The following IMMP2L variants were observed in gnomAD, a reference collection of about 807,000 sequenced individuals.
IMMP2L encodes the protein mitochondrial inner membrane protease subunit 2.
IMMP2L carries 18 observed loss-of-function variants against 19.3 expected under a neutral mutation model. That is an observed-to-expected ratio of 0.93 (90% CI 0.64 to 1.38). The LOEUF is 1.38. IMMP2L is among the 40% of genes most tolerant of loss of function. The pLI is 0.00. For missense variants in IMMP2L, 233 were observed against 218.2 expected (o/e 1.07, Z -0.43); for synonymous variants, 76 against 73.0 (o/e 1.04, Z -0.21).
chr7:110,827,569 A>C (rs1276895403), intron 5 of IMMP2L, among the ~76,000 whole-genome samples: 1 of 152,214 alleles, frequency 6.6e-6, no homozygotes, highest in Non-Finnish European at 1.5e-5. Flanking sequence ...AACAAGACCT[A>C]TAGCGTTGTG....
At chr7:111,505,410 G>C (rs1220811377) in intron 2 of IMMP2L, among the ~76,000 whole-genome samples, 4 of 151,976 alleles carry the variant, frequency 2.6e-5, no homozygotes, top group Non-Finnish European at 4.4e-5. Flanking sequence ...GTGGAAGTCA[G>C]TGTGGTGATT....
At chr7:111,541,925 C>CA (rs978692830) in intron 1 of IMMP2L, among the ~76,000 whole-genome samples, 30 of 152,064 alleles carry the variant, frequency 2.0e-4, no homozygotes, top group Admixed American at 1.8e-3. Context: ...ACATGTTAAG[C>CA]AAAACCAGCC....
intron 3 of IMMP2L, among the ~76,000 whole-genome samples, chr7:110,970,232 C>G (rs1387318347): frequency 6.6e-6 from 1 of 152,042 alleles, no homozygotes; most frequent in Non-Finnish European, 1.5e-5. Flanking sequence ...CTATGAAAAA[C>G]TTAAGGAATT....
chr7:111,024,057 G>A (rs546835476), intron 3 of IMMP2L, among the ~76,000 whole-genome samples: 16 of 152,250 alleles, frequency 1.1e-4, no homozygotes, highest in East Asian at 3.9e-4. Flanking sequence ...AATATTGGCC[G>A]TGTGAATTCT....
chr7:110,663,865 G>T (rs1292326213), intron 5 of IMMP2L, 144 bp from the exon 6 acceptor site: 5 of 536,414 alleles, frequency 9.3e-6, no homozygotes, highest in Non-Finnish European at 3.2e-6. Context: ...AACACCTTTT[G>T]TAGCCATTGA....
intron 3 of IMMP2L, among the ~76,000 whole-genome samples, chr7:111,235,660 T>C (rs926955637): frequency 1.3e-5 from 2 of 152,072 alleles, no homozygotes; most frequent in Non-Finnish European, 2.9e-5. Context: ...ATTAGTTTGA[T>C]TATAATATGC....
Position 111,055,147 on chromosome 7 carries a change from C to T in IMMP2L, c.240-91582G>A, listed in dbSNP as rs144854031. On this transcript the variant is annotated intron_variant, in intron 3 of 5. Coordinates refer to ENST00000405709, the MANE Select transcript of IMMP2L (RefSeq NM_032549.4). ...CTCACTGCAGTCTCAAACTCTTGGG[C>T]TCGGGCAAGCTTCCCATCTCAGCCT... Among the ~76,000 whole-genome samples the T allele has an allele frequency of 2.1e-3, 322 of 151,938 alleles. 1 individual carries two copies. Among genetic ancestry groups the T allele is most frequent in the Non-Finnish European group, 3.6e-3 (248 of 67,956 alleles).
At chr7:110,843,853 G>A (rs1042064565) in intron 5 of IMMP2L, among the ~76,000 whole-genome samples, 1 of 152,138 alleles carries the variant, frequency 6.6e-6, no homozygotes, top group Non-Finnish European at 1.5e-5. Context: ...TAAGGAAGTG[G>A]TCCGTGTGTC....
intron 5 of IMMP2L, among the ~76,000 whole-genome samples, chr7:110,761,721 A>G (rs949739493): frequency 1.3e-5 from 2 of 152,170 alleles, no homozygotes; most frequent in Non-Finnish European, 2.9e-5. Context: ...TACAAATCCA[A>G]TTTCACAGAT....
At chr7:111,281,169 A>G in intron 3 of IMMP2L, among the ~76,000 whole-genome samples, 3 of 35,240 alleles carry the variant, frequency 8.5e-5, no homozygotes, top group Admixed American at 5.4e-4. Context: ...AAAGAAAGAA[A>G]GAAAGAAAGA....
intron 3 of IMMP2L, among the ~76,000 whole-genome samples, chr7:111,044,013 T>A (rs1324708046): frequency 6.6e-6 from 1 of 152,210 alleles, no homozygotes; most frequent in Admixed American, 6.5e-5. Flanking sequence ...ATTCACCAAG[T>A]TAATAATTCT....
intron 3 of IMMP2L, among the ~76,000 whole-genome samples, chr7:111,474,673 T>C (rs1841566162): frequency 6.6e-6 from 1 of 152,098 alleles, no homozygotes; most frequent in South Asian, 2.1e-4. Context: ...ATTAACTGAT[T>C]TCCCCCCTTG....
chr7:110,799,606 T>C (rs1801105724), intron 5 of IMMP2L, among the ~76,000 whole-genome samples: 1 of 152,054 alleles, frequency 6.6e-6, no homozygotes, highest in African/African-American at 2.4e-5. Flanking sequence ...GGAAACATAC[T>C]GGAGTCACAT....
At chr7:110,700,861 T>C (rs1233876107) in intron 5 of IMMP2L, among the ~76,000 whole-genome samples, 2 of 152,226 alleles carry the variant, frequency 1.3e-5, no homozygotes, top group African/African-American at 4.8e-5. Context: ...TATGTACTGA[T>C]ATAGTATGTA....
chr7:110,827,684 C>G (rs1248137872), intron 5 of IMMP2L, among the ~76,000 whole-genome samples: 1 of 152,128 alleles, frequency 6.6e-6, no homozygotes, highest in East Asian at 1.9e-4. Flanking sequence ...AGGGGCTTGA[C>G]AACAAAAGCA....
At chr7:111,476,323 T>G (rs572611043) in intron 3 of IMMP2L, among the ~76,000 whole-genome samples, 12 of 152,318 alleles carry the variant, frequency 7.9e-5, no homozygotes, top group African/African-American at 2.9e-4. Flanking sequence ...AATTAGTCAA[T>G]TATGTAAATA....
intron 5 of IMMP2L, among the ~76,000 whole-genome samples, chr7:110,778,616 G>A (rs1455206639): frequency 2.0e-5 from 3 of 151,930 alleles, no homozygotes; most frequent in Non-Finnish European, 2.9e-5. Context: ...TTAAATTTTA[G>A]TGTATACAAT....
intron 3 of IMMP2L, among the ~76,000 whole-genome samples, chr7:111,099,142 A>G (rs891662471): frequency 1.3e-5 from 2 of 151,714 alleles, no homozygotes; most frequent in African/African-American, 4.8e-5. Context: ...ATCGAGTGGA[A>G]GTCAACATAC....
intron 3 of IMMP2L, among the ~76,000 whole-genome samples, chr7:111,005,096 C>G (rs1310838012): frequency 6.6e-6 from 1 of 152,106 alleles, no homozygotes; most frequent in African/African-American, 2.4e-5. Context: ...ATTTACTGCT[C>G]CAGATTCAAA....
Sources: allele counts gnomAD v4.1 joint callset (sites outside exome capture counted in the v4.1 genomes callset), GRCh38; gene constraint gnomAD v4.1.1; transcripts MANE v1.5; gene names NCBI Gene and HGNC (gene_info 2026-07-23, HGNC 2026-07-21).